The following SSBP2 variants were observed in gnomAD, a reference collection of about 807,000 sequenced individuals.
The protein encoded by SSBP2 is single stranded DNA binding protein 2.
SSBP2 carries 17 observed loss-of-function variants against 61.8 expected under a neutral mutation model. That is an observed-to-expected ratio of 0.28 (90% CI 0.19 to 0.41). The LOEUF (loss-of-function observed/expected upper bound fraction) is 0.41, where lower values mean the gene tolerates loss of function less well. SSBP2 is among the 10% of genes least tolerant of loss of function. SSBP2 has a pLI of 1.00. For synonymous variants in SSBP2, 139 were observed against 141.3 expected (o/e 0.98, Z 0.12); for missense variants, 310 against 458.7 (o/e 0.68, Z 2.96).
At chr5:81,437,370 A>T in intron 15 of SSBP2, 60 bp downstream of exon 15, 1 of 1,483,728 alleles carries the variant, frequency 6.7e-7, no homozygotes, top group Non-Finnish European at 9.2e-7. Context: ...TAATAATTTT[A>T]ATGAGTTCCA....
chr5:81,494,100 C>T (rs1442741752), intron 5 of SSBP2, among the ~76,000 whole-genome samples: 1 of 152,126 alleles, frequency 6.6e-6, no homozygotes, highest in Non-Finnish European at 1.5e-5. Flanking sequence ...TTCTCTTCAC[C>T]AAATGGCGAG....
At chr5:81,428,555 T>G in intron 16 of SSBP2, 30 bp downstream of exon 16, 2 of 1,542,320 alleles carry the variant, frequency 1.3e-6, no homozygotes, top group Non-Finnish European at 1.8e-6. Context: ...AAATAAAATT[T>G]GAGTATAATA....
intron 1 of SSBP2, among the ~76,000 whole-genome samples, chr5:81,683,728 G>C (rs942672776): frequency 6.6e-6 from 1 of 152,128 alleles, no homozygotes; most frequent in African/African-American, 2.4e-5. Flanking sequence ...TCTGATAAAG[G>C]ACTGTTGATC....
At chr5:81,447,943 G>C (rs1561411215) in intron 11 of SSBP2, 1 of 152,156 alleles carries the variant, frequency 6.6e-6, no homozygotes, top group Non-Finnish European at 1.5e-5. Flanking sequence ...CAGGTCCAAA[G>C]CAGTGTGTGC....
chr5:81,583,494 G>T (rs572292564), intron 4 of SSBP2, among the ~76,000 whole-genome samples: 1 of 152,182 alleles, frequency 6.6e-6, no homozygotes, highest in South Asian at 2.1e-4. Flanking sequence ...GCTGGGCATG[G>T]TGGCAGGCGC....
At chr5:81,673,137 G>C in intron 1 of SSBP2, among the ~76,000 whole-genome samples, 1 of 152,074 alleles carries the variant, frequency 6.6e-6, no homozygotes, top group South Asian at 2.1e-4. Flanking sequence ...CACCACACTC[G>C]GTCCAGATAT....
intron 1 of SSBP2, among the ~76,000 whole-genome samples, chr5:81,676,774 A>G (rs539665743): frequency 1.3e-5 from 2 of 152,298 alleles, no homozygotes; most frequent in South Asian, 2.1e-4. Context: ...TATAGTAGCT[A>G]GTTATTTTAG....
intron 4 of SSBP2, among the ~76,000 whole-genome samples, chr5:81,514,787 C>T (rs1768886131): frequency 6.6e-6 from 1 of 151,878 alleles, no homozygotes; most frequent in Admixed American, 6.6e-5. Flanking sequence ...TTTAAAAAAA[C>T]TAAATATGTT....
At chr5:81,501,831 A>G (rs556994308) in intron 5 of SSBP2, among the ~76,000 whole-genome samples, 24 of 152,052 alleles carry the variant, frequency 1.6e-4, no homozygotes, top group South Asian at 2.1e-4. Context: ...CCAAAGTGCT[A>G]AGATTACAGA....
At chr5:81,610,091 AAC>A (rs765599078) in intron 4 of SSBP2, among the ~76,000 whole-genome samples, 10 of 152,156 alleles carry the variant, frequency 6.6e-5, no homozygotes, top group African/African-American at 1.4e-4. Context: ...TATAAGCTAT[AAC>A]ACAGTCGGGC....
intron 5 of SSBP2, among the ~76,000 whole-genome samples, chr5:81,492,853 T>C (rs1346089301): frequency 6.6e-6 from 1 of 152,152 alleles, no homozygotes; most frequent in Non-Finnish European, 1.5e-5. Context: ...AAAGTCCCTT[T>C]TAAAATAAGG....
chr5:81,505,389 T>A (rs1202202469), intron 5 of SSBP2, among the ~76,000 whole-genome samples: 1 of 152,224 alleles, frequency 6.6e-6, no homozygotes, highest in African/African-American at 2.4e-5. Context: ...TTTAAAAAGC[T>A]AAAGTCTTTC....
At chr5:81,573,898 T>A (rs1488077519) in intron 4 of SSBP2, among the ~76,000 whole-genome samples, 1 of 152,136 alleles carries the variant, frequency 6.6e-6, no homozygotes, top group Admixed American at 6.5e-5. Context: ...CCCAGCACTT[T>A]GGGAGGCCGA....
chr5:81,430,973 T>C (rs1045693667), intron 15 of SSBP2, among the ~76,000 whole-genome samples: 8 of 152,102 alleles, frequency 5.3e-5, no homozygotes, highest in African/African-American at 1.2e-4. Context: ...CTTAAGAAAA[T>C]TGTGCTGTCC....
At chr5:81,587,062 C>A (rs1032886965) in intron 4 of SSBP2, among the ~76,000 whole-genome samples, 1 of 152,156 alleles carries the variant, frequency 6.6e-6, no homozygotes, top group East Asian at 1.9e-4. Context: ...TAAGCTATTT[C>A]TCTTTTCCTC....
intron 4 of SSBP2, among the ~76,000 whole-genome samples, chr5:81,593,304 A>G: frequency 6.6e-6 from 1 of 152,358 alleles, no homozygotes; most frequent in Non-Finnish European, 1.5e-5. Flanking sequence ...AAGAATAAAA[A>G]GAACCGAACA....
chr5:81,568,233 G>A (rs564134285), intron 4 of SSBP2, among the ~76,000 whole-genome samples: 1 of 152,262 alleles, frequency 6.6e-6, no homozygotes, highest in African/African-American at 2.4e-5. Flanking sequence ...GGGACCTGGT[G>A]GGAGATAATT....
intron 9 of SSBP2, among the ~76,000 whole-genome samples, chr5:81,463,738 T>C (rs1438822299): frequency 6.6e-6 from 1 of 151,508 alleles, no homozygotes; most frequent in East Asian, 1.9e-4. Context: ...TCAACCACTA[T>C]TACCAAAGAG....
chr5:81,731,233 T>C (rs976694410), intron 1 of SSBP2, among the ~76,000 whole-genome samples: 1 of 152,258 alleles, frequency 6.6e-6, no homozygotes, highest in Non-Finnish European at 1.5e-5. Flanking sequence ...AACATCATTA[T>C]GTTCCTTGGG....
Sources: allele counts gnomAD v4.1 joint callset (sites outside exome capture counted in the v4.1 genomes callset), GRCh38; gene constraint gnomAD v4.1.1; transcripts MANE v1.5; gene names NCBI Gene and HGNC (gene_info 2026-07-23, HGNC 2026-07-21).